DDAH1: variants seen among roughly 807,000 people sequenced by gnomAD.
The protein encoded by DDAH1 is dimethylarginine dimethylaminohydrolase 1, also known as N(G),N(G)-dimethylarginine dimethylaminohydrolase 1.
In DDAH1, 19 loss-of-function variants were observed where a neutral mutation model predicts 28.8. That is an observed-to-expected ratio of 0.66 (90% CI 0.46 to 0.97). DDAH1 has a LOEUF of 0.97. Ranked by LOEUF, DDAH1 falls within the 50% of genes least tolerant of loss-of-function variation. The pLI is 0.00. For missense variants in DDAH1, 326 were observed against 375.9 expected (o/e 0.87, Z 1.10); for synonymous variants, 153 against 154.4 (o/e 0.99, Z 0.07).
intron 4 of DDAH1, among the ~76,000 whole-genome samples, chr1:85,342,624 T>G (rs373813171): frequency 3.9e-5 from 6 of 152,188 alleles, no homozygotes; most frequent in African/African-American, 1.4e-4. Flanking sequence ...ACCTAAGAAG[T>G]TTCTAGTTTT....
At position 85,400,479 on chromosome 1, in the gene DDAH1, C is replaced by T. The variant is rs970033687; in HGVS notation, c.304-41632G>A. On this transcript the variant is annotated intron_variant, in intron 1 of 5. Transcript: ENST00000284031. The stretch of plus-strand genomic sequence containing the variant: ...TGGGCTTCCCAAAGTGCTGGGATTA[C>T]GACTTGAGCCACTGTGCCTGGCCTA... Among the ~76,000 whole-genome samples the T allele has an allele frequency of 3.3e-5, 5 of 151,880 alleles. No homozygotes were observed. In the East Asian group the frequency reaches 9.6e-4, roughly 29 times the overall value.
intron 4 of DDAH1, among the ~76,000 whole-genome samples, chr1:85,331,391 G>A (rs1163391572): frequency 7.0e-6 from 1 of 143,262 alleles, no homozygotes; most frequent in Non-Finnish European, 1.6e-5. Flanking sequence ...ACATTTTTGG[G>A]TCACTCATAA....
intron 2 of DDAH1, among the ~76,000 whole-genome samples, chr1:85,356,039 G>C (rs937163864): frequency 5.9e-5 from 9 of 152,180 alleles, no homozygotes; most frequent in African/African-American, 2.2e-4. Context: ...GGTTACTTGA[G>C]GTCAGGGGAG....
chr1:85,441,117 C>G (rs914801790), intron 1 of DDAH1, among the ~76,000 whole-genome samples: 1 of 152,178 alleles, frequency 6.6e-6, no homozygotes, highest in Non-Finnish European at 1.5e-5. Context: ...CAGATAATAA[C>G]AGAATTAAAG....
At chr1:85,511,062 A>G (rs1162326204) in intron 1 of DDAH1, among the ~76,000 whole-genome samples, 1 of 152,248 alleles carries the variant, frequency 6.6e-6, no homozygotes, top group Non-Finnish European at 1.5e-5. Context: ...TCTCAGCACC[A>G]TATCGCATTT....
intron 4 of DDAH1, among the ~76,000 whole-genome samples, chr1:85,342,413 T>C (rs1351070768): frequency 6.7e-6 from 1 of 150,358 alleles, no homozygotes; most frequent in African/African-American, 2.5e-5. Context: ...TGTGTGTGTG[T>C]TGGAGGAGGA....
At chr1:85,466,232 TGAG>T (rs1655373991), upstream of DDAH1, among the ~76,000 whole-genome samples, 1 of 152,208 alleles carries the variant, frequency 6.6e-6, no homozygotes, top group South Asian at 2.1e-4. Context: ...GCTTCACATT[TGAG>T]GAGTTTTTTT....
chr1:85,523,795 G>A (rs1245683182), intron 1 of DDAH1, among the ~76,000 whole-genome samples: 1 of 152,210 alleles, frequency 6.6e-6, no homozygotes, highest in Non-Finnish European at 1.5e-5. Flanking sequence ...TAACAAGCAT[G>A]TCATTTATAG....
At chr1:85,549,593 GCCT>G (rs1658725894) in intron 1 of DDAH1, among the ~76,000 whole-genome samples, 1 of 152,154 alleles carries the variant, frequency 6.6e-6, no homozygotes, top group Non-Finnish European at 1.5e-5. Flanking sequence ...TTTCTGTTAA[GCCT>G]GAATCTTGGA....
At chr1:85,368,395 A>T (rs75260798) in intron 1 of DDAH1, among the ~76,000 whole-genome samples, 2,923 of 152,278 alleles carry the variant, frequency 0.019, 76 homozygotes, top group African/African-American at 0.057. Context: ...TGGAGAATAC[A>T]CTGAGAAAGT....
chr1:85,340,343 A>G (rs565619636), intron 4 of DDAH1, among the ~76,000 whole-genome samples: 1 of 152,338 alleles, frequency 6.6e-6, no homozygotes, highest in Admixed American at 6.5e-5. Context: ...TGGATGAGGA[A>G]TGCTGAATTC....
chr1:85,481,958 C>T (rs1264057013), intron 2 of DDAH1, among the ~76,000 whole-genome samples: 1 of 152,180 alleles, frequency 6.6e-6, no homozygotes, highest in Non-Finnish European at 1.5e-5. Flanking sequence ...GTTGTCACTG[C>T]CACTGTTACT....
At chr1:85,505,836 T>C (rs905158171) in intron 1 of DDAH1, among the ~76,000 whole-genome samples, 3 of 152,220 alleles carry the variant, frequency 2.0e-5, no homozygotes, top group African/African-American at 7.2e-5. Flanking sequence ...AATATTATAA[T>C]CATAGAAAAT....
At chr1:85,535,225 T>C (rs1449620520) in intron 1 of DDAH1, among the ~76,000 whole-genome samples, 5 of 152,088 alleles carry the variant, frequency 3.3e-5, no homozygotes, top group African/African-American at 9.7e-5. Flanking sequence ...ATAAAACACT[T>C]TGGCTTTCTT....
chr1:85,486,345 A>C (rs1003173733), intron 2 of DDAH1, among the ~76,000 whole-genome samples: 2 of 152,202 alleles, frequency 1.3e-5, no homozygotes, highest in African/African-American at 4.8e-5. Context: ...ACAGACACAC[A>C]AATCTGCAAA....
chr1:85,512,881 A>G (rs199851145), intron 1 of DDAH1, among the ~76,000 whole-genome samples: 1 of 152,180 alleles, frequency 6.6e-6, no homozygotes, highest in Non-Finnish European at 1.5e-5. Context: ...GTATTCCATG[A>G]TCATGGATAG....
At chr1:85,328,231 T>C (rs1647533126) in intron 4 of DDAH1, among the ~76,000 whole-genome samples, 1 of 152,190 alleles carries the variant, frequency 6.6e-6, no homozygotes, top group African/African-American at 2.4e-5. Flanking sequence ...GGATCTGGAA[T>C]TACCTGCAGA....
intron 1 of DDAH1, among the ~76,000 whole-genome samples, chr1:85,525,642 TG>T (rs1657843555): frequency 6.6e-6 from 1 of 151,746 alleles, no homozygotes; most frequent in Non-Finnish European, 1.5e-5. Context: ...CTCTTACATC[TG>T]CAAGAAACAA....
chr1:85,565,943 T>G (rs2100556944), intron 1 of DDAH1, among the ~76,000 whole-genome samples: 1 of 151,860 alleles, frequency 6.6e-6, no homozygotes, highest in Non-Finnish European at 1.5e-5. Flanking sequence ...TAGCTGGGTG[T>G]GGTGGCACGC....
Sources: gnomAD v4.1 joint callset for allele counts (sites outside exome capture counted in the v4.1 genomes callset) on GRCh38, gnomAD v4.1.1 for gene constraint, MANE v1.5 for transcripts, NCBI Gene and HGNC (gene_info 2026-07-23, HGNC 2026-07-21) for gene names.